The following EIF4G3 variants were observed in gnomAD, a reference collection of about 807,000 sequenced individuals.
EIF4G3 encodes eukaryotic translation initiation factor 4 gamma 3.
EIF4G3 carries 34 observed loss-of-function variants against 186.4 expected under a neutral mutation model. That is an observed-to-expected ratio of 0.18 (90% CI 0.14 to 0.24). The LOEUF is 0.24. EIF4G3 is among the 10% of genes least tolerant of loss of function. EIF4G3 has a pLI of 1.00. For missense variants in EIF4G3, 1,536 were observed against 1,948.5 expected, an observed-to-expected ratio of 0.79 and a Z score of 3.99; for synonymous variants, 673 against 679.5, an observed-to-expected ratio of 0.99 and a Z score of 0.15.
chr1:21,049,690 A>C (rs1557703764), intron 4 of EIF4G3, among the ~76,000 whole-genome samples: 1 of 152,148 alleles, frequency 6.6e-6, no homozygotes, highest in African/African-American at 2.4e-5. Context: ...GGCCAATCTG[A>C]GCAACATAGC....
At chr1:20,939,114 A>AAT (rs2095618002) in intron 14 of EIF4G3, among the ~76,000 whole-genome samples, 1 of 61,232 alleles carries the variant, frequency 1.6e-5, no homozygotes, top group African/African-American at 4.1e-5. Flanking sequence ...CTTAAAAAAA[A>AAT]TTAAAAAAAA....
At chr1:21,115,411 G>A (rs2096799305) in intron 2 of EIF4G3, among the ~76,000 whole-genome samples, 1 of 152,098 alleles carries the variant, frequency 6.6e-6, no homozygotes, top group Non-Finnish European at 1.5e-5. Flanking sequence ...AATTACAATA[G>A]TAAGATCAAA....
intron 3 of EIF4G3, among the ~76,000 whole-genome samples, chr1:21,083,037 CAAAAAAAAAAAAAAAAAAAAAA>C (rs544781256): frequency 3.0e-5 from 2 of 66,432 alleles, no homozygotes; most frequent in African/African-American, 1.6e-4. Context: ...GACTCTGTCT[CAAAAAAAAAAAAAAAAAAAAAA>C]AAAAAAAAAA....
At chr1:20,881,501 A>G (rs967716546) in intron 19 of EIF4G3, among the ~76,000 whole-genome samples, 1 of 152,228 alleles carries the variant, frequency 6.6e-6, no homozygotes, top group African/African-American at 2.4e-5. Flanking sequence ...CAAAATTAAA[A>G]ACAGGCTAGG....
chr1:21,047,658 C>G (rs934101638), intron 4 of EIF4G3, among the ~76,000 whole-genome samples: 2 of 152,154 alleles, frequency 1.3e-5, no homozygotes, highest in Non-Finnish European at 2.9e-5. Flanking sequence ...GTGTAGGACT[C>G]TCATGTGTCC....
At chr1:21,067,873 G>A (rs1250028904) in intron 3 of EIF4G3, among the ~76,000 whole-genome samples, 5 of 151,880 alleles carry the variant, frequency 3.3e-5, no homozygotes, top group Non-Finnish European at 5.9e-5. Flanking sequence ...AGTGGCTCAC[G>A]CCACTGCACT....
intron 22 of EIF4G3, 95 bp from the exon 23 acceptor site, chr1:20,862,427 T>A (rs1199842182): frequency 1.3e-6 from 1 of 769,616 alleles, no homozygotes; most frequent in African/African-American, 1.8e-5. Flanking sequence ...ATCTATTTAT[T>A]TTTTTAGAGA....
chr1:21,035,885 G>A (rs6685914), intron 4 of EIF4G3, among the ~76,000 whole-genome samples: 59,626 of 151,924 alleles, frequency 0.39, 12,454 homozygotes, highest in Middle Eastern at 0.52. Flanking sequence ...GGCTGCCCAC[G>A]GACCAACTGG....
At chr1:20,848,546 T>A (rs777569518) in intron 29 of EIF4G3, among the ~76,000 whole-genome samples, 40 of 152,154 alleles carry the variant, frequency 2.6e-4, no homozygotes, top group South Asian at 6.2e-4. Flanking sequence ...CAGGTAGAAA[T>A]GTCTTATTCA....
At chr1:20,872,488 C>T (rs1466958673) in intron 20 of EIF4G3, among the ~76,000 whole-genome samples, 4 of 152,084 alleles carry the variant, frequency 2.6e-5, no homozygotes, top group Non-Finnish European at 5.9e-5. Flanking sequence ...GGTTTTTAAG[C>T]TTTTCACTCT....
rs376145976 is a variant in EIF4G3, at chr1:21,115,491, G to A, written c.-271-26278C>T. Among the ~76,000 whole-genome samples, 5 of 152,168 alleles carry A rather than the reference G, an allele frequency of 3.3e-5. No individual in the cohort carries two copies. The East Asian group carries it at 5.8e-4, about 18-fold the overall frequency. Reference sequence around the variant, plus strand: ...TGTTGAAAATGATGCCAAAAGCTTTGCTTCATTCAGTTGCCACAAACCTTA... The same window carrying A: ...TGTTGAAAATGATGCCAAAAGCTTTACTTCATTCAGTTGCCACAAACCTTA... On this transcript the variant is annotated intron_variant, in intron 2 of 36. Coordinates refer to ENST00000602326, the MANE Select transcript of EIF4G3 (RefSeq NM_001391906.1).
At position 21,067,415 on chromosome 1, in the gene EIF4G3, G is replaced by A. The variant is rs1449894962; in HGVS notation, c.-195-16421C>T. ...CCTAAAGTGCTAGGATTACAGGCAT[G>A]AGCCACCACGTCTGGCTTTTATTAA... On this transcript the variant is annotated intron_variant, in intron 3 of 36. Coordinates refer to ENST00000602326, the MANE Select transcript of EIF4G3 (RefSeq NM_001391906.1). Among the ~76,000 whole-genome samples, 5 of 152,058 alleles carry A rather than the reference G, an allele frequency of 3.3e-5. No homozygotes were observed. The East Asian group carries it at 9.6e-4, about 29-fold the overall frequency.
chr1:20,861,262 G>A (rs2076254400), intron 23 of EIF4G3, among the ~76,000 whole-genome samples: 1 of 152,148 alleles, frequency 6.6e-6, no homozygotes. Flanking sequence ...CTAGTGTAGG[G>A]CTTGATGTAG....
At chr1:21,042,260 G>A (rs879355850) in intron 4 of EIF4G3, among the ~76,000 whole-genome samples, 2 of 152,160 alleles carry the variant, frequency 1.3e-5, no homozygotes, top group Non-Finnish European at 2.9e-5. Context: ...TTATAAGCAA[G>A]AGCCACCTCA....
intron 4 of EIF4G3, among the ~76,000 whole-genome samples, chr1:21,011,027 G>A (rs1038566872): frequency 2.6e-5 from 4 of 152,172 alleles, no homozygotes; most frequent in Admixed American, 6.5e-5. Context: ...ACAGGCCTGT[G>A]CTGATATTTT....
intron 2 of EIF4G3, among the ~76,000 whole-genome samples, chr1:21,129,653 G>A (rs2097116253): frequency 6.6e-6 from 1 of 152,198 alleles, no homozygotes; most frequent in Admixed American, 6.5e-5. Flanking sequence ...TGTAGAGAAA[G>A]CAGCAAACCC....
chr1:20,848,811 T>G (rs569067626), intron 29 of EIF4G3, among the ~76,000 whole-genome samples: 41 of 150,988 alleles, frequency 2.7e-4, no homozygotes, highest in African/African-American at 1.0e-3. Flanking sequence ...ACTTTGGGAG[T>G]CCGAGGTGGG....
At chr1:20,885,987 G>C (rs1289534051) in intron 19 of EIF4G3, among the ~76,000 whole-genome samples, 1 of 152,110 alleles carries the variant, frequency 6.6e-6, no homozygotes, top group African/African-American at 2.4e-5. Flanking sequence ...CTCTAGACCT[G>C]GTAACTATTC....
chr1:20,849,497 T>C lies in EIF4G3; in HGVS notation c.3806A>G (p.Asp1269Gly). The change falls in exon 29 of 37, where the codon GAC (aspartate) becomes GGC (glycine). Residue 1269 changes from aspartate to glycine, a missense_variant. By Grantham distance (94) the Asp-to-Gly change is moderately conservative. This residue lies in a region of EIF4G3 where 395 missense variants were observed against 498.9 expected (regional missense o/e 0.79). Transcript: ENST00000602326. ...TTCCTCTTCTGATAATGCAGCCTTG[T>C]CATGAGCTGACATTGCTGAAATTTC... is the stretch of plus-strand genomic sequence containing the variant. ...KPEISAMSAH[D>G]KAALSEEELE... The C allele has an allele frequency of 1.3e-6, 2 of 1,561,810 alleles. No individual in the cohort carries two copies. The highest frequency in any genetic ancestry group is 1.7e-6 in the Non-Finnish European group (2 of 1,159,160).
Sources: gnomAD v4.1 joint callset for allele counts (sites outside exome capture counted in the v4.1 genomes callset) on GRCh38, gnomAD v4.1.1 for gene constraint, gnomAD v4.1.1 regional missense constraint, MANE v1.5 for transcripts, NCBI Gene and HGNC (gene_info 2026-07-23, HGNC 2026-07-21) for gene names.